The following PCDHGB5 variants were observed in gnomAD, a reference collection of about 807,000 sequenced individuals.
PCDHGB5 encodes protocadherin gamma-B5.
PCDHGB5 carries 48 observed loss-of-function variants against 62.9 expected under a neutral mutation model. The ratio of observed to expected loss-of-function variants is 0.76; its 90% CI spans 0.61 to 0.97. PCDHGB5 has a LOEUF of 0.97. Ranked by LOEUF, PCDHGB5 falls within the 50% of genes least tolerant of loss-of-function variation. The pLI is 0.00. For synonymous variants in PCDHGB5, 474 were observed against 511.2 expected (o/e 0.93, Z 0.98); for missense variants, 1,118 against 1,198.6 (o/e 0.93, Z 0.99).
chr5:141,413,388 C>T (rs765673305), intron 1 of PCDHGB5: 39 of 1,614,012 alleles, frequency 2.4e-5, no homozygotes, highest in Non-Finnish European at 3.2e-5. Context: ...TCCGCATAGT[C>T]TCCAGAGGTA....
At chr5:141,484,047 TC>T (rs1351554084) in intron 1 of PCDHGB5, among the ~76,000 whole-genome samples, 1 of 151,912 alleles carries the variant, frequency 6.6e-6, no homozygotes, top group African/African-American at 2.4e-5. Context: ...CTCCAAGAGG[TC>T]CCCTGGGGCT....
At chr5:141,425,686 A>C (rs1026122573) in intron 1 of PCDHGB5, among the ~76,000 whole-genome samples, 4 of 152,252 alleles carry the variant, frequency 2.6e-5, no homozygotes, top group Non-Finnish European at 5.9e-5. Context: ...AATACTGCAT[A>C]TCATTTCATA....
At chr5:141,437,561 C>G (rs1228292384) in intron 1 of PCDHGB5, among the ~76,000 whole-genome samples, 1 of 152,110 alleles carries the variant, frequency 6.6e-6, no homozygotes, top group Non-Finnish European at 1.5e-5. Context: ...TGACATGTAA[C>G]AGAGTATAGC....
At position 141,409,758 on chromosome 5, in the gene PCDHGB5, C is replaced by A. The variant is rs763902801; in HGVS notation, c.2397+9234C>A. Reference sequence around the variant, plus strand: ...AGCGGGGTGGTGTTCGCGCAGCGCGCCTTTGATCACGAGCAGCTGCGCGCC... The same window carrying A: ...AGCGGGGTGGTGTTCGCGCAGCGCGACTTTGATCACGAGCAGCTGCGCGCC... On this transcript the variant is annotated intron_variant, in intron 1 of 3. Transcript: ENST00000617380. 4 of 1,612,868 alleles carry A rather than the reference C, an allele frequency of 2.5e-6. No homozygotes were observed. In the African/African-American group the frequency reaches 4.0e-5, roughly 16 times the overall value.
At position 141,431,735 on chromosome 5, in the gene PCDHGB5, G is replaced by A. The variant is rs2097411908; in HGVS notation, c.2397+31211G>A. 1.2e-6 allele frequency: 2 copies of A among 1,614,118 alleles called. No homozygotes were observed. Among genetic ancestry groups the A allele is most frequent in the Non-Finnish European group, 1.7e-6 (2 of 1,180,056 alleles). On this transcript the variant is annotated intron_variant, in intron 1 of 3. Transcript: ENST00000617380. The surrounding 1 kb of genome is among the most constrained non-coding windows in gnomAD (Gnocchi z 4.8). ...GGAAGTGCAAGCAATGGATAATGCAGGATATTCTGCGCGAGCCAAAGTCCT... is the reference window on the plus strand; with the variant it reads ...GGAAGTGCAAGCAATGGATAATGCAAGATATTCTGCGCGAGCCAAAGTCCT...
intron 1 of PCDHGB5, chr5:141,478,419 G>A (rs2530208): frequency 3.7e-6 from 6 of 1,613,632 alleles, no homozygotes; most frequent in South Asian, 2.2e-5. Context: ...GACTCCCGCC[G>A]CAGCGACCCG....
chr5:141,510,994 G>A lies in PCDHGB5; in HGVS notation c.2593G>A (p.Gly865Arg). ...CCTGGGAGGGGGTGCCGGCACCATG[G>A]GATTGAGCGCCCGCTACGGACCCCA... ...STLGGGAGTM[G>R]LSARYGPQFT... The change falls in exon 4 of 4, where the codon GGA becomes AGA. Residue 865 changes from glycine to arginine, a missense_variant. Physicochemically the swap from Gly to Arg is moderately radical, Grantham distance 125 (BLOSUM62 -2). This residue lies in a region of PCDHGB5 where 1,034 missense variants were observed against 1,029.1 expected (regional missense o/e 1.00). Transcript: ENST00000617380. 1 of 1,614,168 alleles carries A rather than the reference G, an allele frequency of 6.2e-7. No homozygotes were observed. Among genetic ancestry groups the A allele is most frequent in the Non-Finnish European group, 8.5e-7 (1 of 1,180,022 alleles).
rs374663576 is a variant in PCDHGB5, at chr5:141,489,905, G to T, written c.2398-4902G>T. On this transcript the variant is annotated intron_variant, in intron 1 of 3. Coordinates refer to ENST00000617380, the MANE Select transcript of PCDHGB5 (RefSeq NM_018925.3). The surrounding 1 kb of genome is among the most constrained non-coding windows in gnomAD (Gnocchi z 4.5). ...GCTGTGGATGGGGGGACCCCAGCCC[G>T]CTCAGGGACCACCCTTATCTCTGTC... The T allele has an allele frequency of 9.7e-5, 156 of 1,614,226 alleles. 3 individuals are homozygous for T. The South Asian group carries it at 1.6e-3, about 16-fold the overall frequency.
rs2099702455 is a variant in PCDHGB5, at chr5:141,490,641, G to C, written c.2398-4166G>C. 6.2e-7 allele frequency: 1 copy of C among 1,614,042 alleles called. No homozygotes were observed. Among genetic ancestry groups the C allele is most frequent in the Admixed American group, 1.7e-5 (1 of 60,004 alleles). On this transcript the variant is annotated intron_variant, in intron 1 of 3. Coordinates refer to ENST00000617380, the MANE Select transcript of PCDHGB5 (RefSeq NM_018925.3). The surrounding 1 kb of genome is among the most constrained non-coding windows in gnomAD (Gnocchi z 5.4). ...ACACTGCTTACATCCTAGAAAACCG[G>C]CCTCCGGGCTCCCTTCTTTGCACTG...
chr5:141,489,944 T>C lies in PCDHGB5; in HGVS notation c.2398-4863T>C. On this transcript the variant is annotated intron_variant, in intron 1 of 3. Coordinates refer to ENST00000617380, the MANE Select transcript of PCDHGB5 (RefSeq NM_018925.3). The surrounding 1 kb of genome is among the most constrained non-coding windows in gnomAD (Gnocchi z 4.5). Reference sequence around the variant, plus strand: ...CTTATCTCTGTCATCGTGCTGGACATCAATGATAATGCTCCAACCTTCCAA... The same window carrying C: ...CTTATCTCTGTCATCGTGCTGGACACCAATGATAATGCTCCAACCTTCCAA... 6.2e-7 allele frequency: 1 copy of C among 1,614,172 alleles called. No homozygotes were observed. Among genetic ancestry groups the C allele is most frequent in the Non-Finnish European group, 8.5e-7 (1 of 1,180,010 alleles).
intron 1 of PCDHGB5, chr5:141,407,978 A>ATCCGTCAGCCTCTGGCCTGGGAT (rs2095018425): frequency 2.7e-6 from 2 of 743,974 alleles, no homozygotes; most frequent in Non-Finnish European, 4.1e-6. Context: ...GACGCCGGGG[A>ATCCGTCAGCCTCTGGCCTGGGAT]TCCGTCAGCC....
At chr5:141,409,592 A>G in intron 1 of PCDHGB5, 1 of 1,613,898 alleles carries the variant, frequency 6.2e-7, no homozygotes, top group African/African-American at 1.3e-5. Flanking sequence ...CGTGGCCGAG[A>G]ACAACCCGCC....
intron 1 of PCDHGB5, chr5:141,413,621 A>G (rs369411784): frequency 1.0e-4 from 161 of 1,613,784 alleles, no homozygotes; most frequent in Admixed American, 1.5e-4. Flanking sequence ...ATTAATGAAA[A>G]TGTCGCTGCG....
chr5:141,405,295 C>T lies in PCDHGB5; in HGVS notation c.2397+4771C>T, dbSNP rs192426924. On this transcript the variant is annotated intron_variant, in intron 1 of 3. Transcript: ENST00000617380. ...CCAACTATGCAGACACACTCATCAG[C>T]CAGCAGAGCTGTGAGAAAAATGAGC... 26 of 1,614,180 alleles carry T rather than the reference C, an allele frequency of 1.6e-5. No individual in the cohort carries two copies. In the East Asian group the frequency reaches 4.0e-4, roughly 25 times the overall value.
chr5:141,432,685 C>T lies in PCDHGB5; in HGVS notation c.2397+32161C>T, dbSNP rs1561863583. 1 of 1,613,932 alleles carries T rather than the reference C, an allele frequency of 6.2e-7. No individual in the cohort carries two copies. The highest frequency in any genetic ancestry group is 1.7e-5 in the Admixed American group (1 of 60,020). ...ACAGAGACGCGCTCAAGCAGAGCCT[C>T]GTAGTGGCCGTCCAGGACCACGGCC... On this transcript the variant is annotated intron_variant, in intron 1 of 3. Coordinates refer to ENST00000617380, the MANE Select transcript of PCDHGB5 (RefSeq NM_018925.3). This position sits in a 1 kb window ranked among gnomAD's most constrained non-coding sequence, Gnocchi z 6.0.
chr5:141,473,647 C>T (rs2099326149), intron 1 of PCDHGB5, among the ~76,000 whole-genome samples: 1 of 152,172 alleles, frequency 6.6e-6, no homozygotes, highest in Non-Finnish European at 1.5e-5. Flanking sequence ...GGCAAAGGAA[C>T]AATTTGTGTG....
At position 141,485,671 on chromosome 5, in the gene PCDHGB5, G is replaced by T; in HGVS notation, c.2398-9136G>T. On this transcript the variant is annotated intron_variant, in intron 1 of 3. Coordinates refer to ENST00000617380, the MANE Select transcript of PCDHGB5 (RefSeq NM_018925.3). This position sits in a 1 kb window ranked among gnomAD's most constrained non-coding sequence, Gnocchi z 5.7. The stretch of plus-strand genomic sequence containing the variant: ...AGGATGCAGATGTGGGGAGCAATTC[G>T]ATTAGCAGCTATAGGCTGAGCTCCA... 6.2e-7 allele frequency: 1 copy of T among 1,612,860 alleles called. No homozygotes were observed. The highest frequency in any genetic ancestry group is 8.5e-7 in the Non-Finnish European group (1 of 1,179,040).
At chr5:141,419,457 A>AGGCCCGCGACCAGGGCT in intron 1 of PCDHGB5, 2 of 1,612,728 alleles carry the variant, frequency 1.2e-6, no homozygotes, top group Non-Finnish European at 1.7e-6. Context: ...CTCACGCTGC[A>AGGCCCGCGACCAGGGCT]GGCCCGCGAC....
At chr5:141,420,558 C>T (rs1373350109) in intron 1 of PCDHGB5, 1 of 248,240 alleles carries the variant, frequency 4.0e-6, no homozygotes, top group Non-Finnish European at 7.5e-6. Flanking sequence ...TATATTTTTA[C>T]GGCATGGTAT....
Sources: gnomAD v4.1 joint callset for allele counts (sites outside exome capture counted in the v4.1 genomes callset) on GRCh38, gnomAD v4.1.1 for gene constraint, gnomAD v4.1.1 regional missense constraint, Gnocchi (gnomAD v3.1) non-coding constraint, MANE v1.5 for transcripts, NCBI Gene and HGNC (gene_info 2026-07-23, HGNC 2026-07-21) for gene names.